Variants in RBFA observed in about 807,000 individuals in gnomAD.
The protein encoded by RBFA is ribosome binding factor A.
A neutral mutation model predicts 27.9 loss-of-function variants in RBFA; 16 were observed. That is an observed-to-expected ratio of 0.57 (90% CI 0.39 to 0.87). The LOEUF is 0.87. Ranked by LOEUF, RBFA falls within the 40% of genes least tolerant of loss-of-function variation. The probability of loss-of-function intolerance (pLI) is 0.00; values close to 1 mark genes in which losing one functional copy is unlikely to be tolerated. For missense variants in RBFA, 456 were observed against 432.1 expected (o/e 1.06, Z -0.49); for synonymous variants, 181 against 181.0 (o/e 1.00, Z 0.00).
At position 80,037,475 on chromosome 18, in the gene RBFA, A is replaced by T. The variant is rs2051987978; in HGVS notation, c.347A>T (p.Glu116Val). ...DLLCTPEVSQELYDLNVELSK... is the reference protein window; with the variant it reads ...DLLCTPEVSQVLYDLNVELSK... ...CTGTGTACCCCTGAAGTGAGTCAGG[A>T]GCTGTATGACCTTAACGTGGAGCTC... The change falls in exon 3 of 7, where the codon GAG becomes GTG. Residue 116 changes from glutamate (E) to valine (V), a missense_variant. Physicochemically the swap from Glu to Val is moderately radical, Grantham distance 121 (BLOSUM62 -2). Transcript: ENST00000306735. 6.2e-7 allele frequency: 1 copy of T among 1,613,850 alleles called. No individual in the cohort carries two copies. The highest frequency in any genetic ancestry group is 1.3e-5 in the African/African-American group (1 of 74,924).
At chr18:80,044,678 TAGG>T (rs2145149323) in intron 6 of RBFA, among the ~76,000 whole-genome samples, 1 of 152,272 alleles carries the variant, frequency 6.6e-6, no homozygotes, top group African/African-American at 2.4e-5. Context: ...AGATGGGTGT[TAGG>T]AGGGGAGTAG....
In RBFA at chr18:80,034,613, T is replaced by C; in HGVS notation, c.118T>C (p.Ser40Pro). ...GCGGGGACTTCACTGCTCTGCTGTC[T>C]CCTGCAAGAACTGGCTCAAGAAATT... ...CERGLHCSAV[S>P]CKNWLKKFAS... Residue 40 changes from serine to proline, a missense_variant, in exon 1 of 7, where the codon TCC becomes CCC. Physicochemically the swap from Ser to Pro is moderately conservative, Grantham distance 74. Transcript: ENST00000306735. 4 of 1,609,296 alleles carry C rather than the reference T, an allele frequency of 2.5e-6. No homozygotes were observed. Among genetic ancestry groups the C allele is most frequent in the Non-Finnish European group, 3.4e-6 (4 of 1,178,926 alleles).
At chr18:80,036,267 C>T (rs1465950454) in intron 1 of RBFA, among the ~76,000 whole-genome samples, 2 of 152,170 alleles carry the variant, frequency 1.3e-5, no homozygotes, top group African/African-American at 2.4e-5. Context: ...CAATGGTGAG[C>T]GTGGCTCCCA....
At chr18:80,034,718 G>C (rs2051963691) in intron 1 of RBFA, 65 bp downstream of exon 1, 1 of 1,579,480 alleles carries the variant, frequency 6.3e-7, no homozygotes, top group Non-Finnish European at 8.6e-7. Flanking sequence ...CCCGGGTTGC[G>C]GTGTCCGCTC....
intron 3 of RBFA, 90 bp from the exon 4 acceptor site, chr18:80,038,415 T>G: frequency 1.2e-6 from 1 of 856,870 alleles, no homozygotes; most frequent in Non-Finnish European, 1.9e-6. Context: ...GGGAGGGGCG[T>G]CTGCAGCTGT....
chr18:80,044,746 T>C (rs1251659988), intron 6 of RBFA, among the ~76,000 whole-genome samples: 2 of 152,216 alleles, frequency 1.3e-5, no homozygotes, highest in South Asian at 2.1e-4. Flanking sequence ...GGCCTGTGCA[T>C]GTACACACAC....
At chr18:80,042,828 G>T (rs1355348748) in intron 5 of RBFA, among the ~76,000 whole-genome samples, 1 of 151,894 alleles carries the variant, frequency 6.6e-6, no homozygotes, top group African/African-American at 2.4e-5. Context: ...TGAAAGAAAG[G>T]TGCAAATGAA....
chr18:80,036,209 T>C (rs573612412), intron 1 of RBFA, among the ~76,000 whole-genome samples: 2 of 152,342 alleles, frequency 1.3e-5, no homozygotes, highest in South Asian at 2.1e-4. Context: ...AGACGTACTG[T>C]GTGGATCATT....
rs370283155 is a variant in RBFA at position 80,037,495 on chromosome 18, G to C, written c.367G>C (p.Glu123Gln). The part of the protein sequence containing the change: ...VSQELYDLNV[E>Q]LSKVSLTPDF... ...TCAGGAGCTGTATGACCTTAACGTG[G>C]AGCTCTCCAAGGTAGGCTGTGTGGC... The change falls in exon 3 of 7, where the codon GAG becomes CAG. Residue 123 changes from glutamate to glutamine, a missense_variant. Transcript: ENST00000306735. 78 of 1,611,552 alleles carry C rather than the reference G, an allele frequency of 4.8e-5. No individual in the cohort carries two copies. Among genetic ancestry groups the C allele is most frequent in the Non-Finnish European group, 6.5e-5 (77 of 1,178,114 alleles).
chr18:80,034,678 T>C (rs1252848856), intron 1 of RBFA, 25 bp downstream of exon 1: 2 of 1,605,792 alleles, frequency 1.2e-6, no homozygotes, highest in East Asian at 4.6e-5. Context: ...GCGGTGTCCC[T>C]GGGCGCGGTA....
chr18:80,034,523 C>A lies in RBFA; in HGVS notation c.28C>A (p.Arg10Ser), dbSNP rs752729658. 7 of 1,585,790 alleles carry A rather than the reference C, an allele frequency of 4.4e-6. No homozygotes were observed. Residue 10 changes from arginine (R) to serine (S), a missense_variant, in exon 1 of 7, where the codon CGC (arginine) becomes AGC (serine). Coordinates refer to ENST00000306735, the MANE Select transcript of RBFA (RefSeq NM_024805.3). ...GTGGGCTGCGGCGGGCGGGCTGTGG[C>A]GCTCCCGCGCGGGTCTCCGGGCCCT... MWAAAGGLWRSRAGLRALFR... is the reference protein window; with the variant it reads MWAAAGGLWSSRAGLRALFR...
At chr18:80,044,368 C>A in intron 6 of RBFA, 83 bp downstream of exon 6, 2 of 1,205,448 alleles carry the variant, frequency 1.7e-6, no homozygotes, top group Non-Finnish European at 2.5e-6. Flanking sequence ...AGCTGCCCAG[C>A]GCCACATCCC....
rs1406346703 is a variant in RBFA, at chr18:80,037,378, A to G, written c.250A>G (p.Lys84Glu). Residue 84 changes from lysine (K) to glutamate (E), a missense_variant, in exon 3 of 7, where the codon AAA (lysine) becomes GAA (glutamate). Physicochemically the swap from Lys to Glu is moderately conservative, Grantham distance 56 (BLOSUM62 1). Transcript: ENST00000306735. ...ATTCCTCATGAGGAGCACCTCAAAG[A>G]AAACCAGGAAGGAAGACCATGCGCG... ...LEFLMRSTSK[K>E]TRKEDHARLR... is the part of the protein sequence containing the mutation. The G allele has an allele frequency of 7.4e-6, 12 of 1,614,120 alleles. No individual in the cohort carries two copies. The East Asian group carries it at 2.7e-4, about 36-fold the overall frequency.
rs1277423144 is a variant in RBFA, at chr18:80,034,669, C to CGGTGTCCCTGGGCGCGGTA, written c.158+17_158+35dup. On this transcript the variant is annotated intron_variant, in intron 1 of 6. Coordinates refer to ENST00000306735, the MANE Select transcript of RBFA (RefSeq NM_024805.3). ...CGAAAACCAAGTAATGCGGCGGGGG[C>CGGTGTCCCTGGGCGCGGTA]GGTGTCCCTGGGCGCGGTATTCCCT... 1 of 1,606,296 alleles carries CGGTGTCCCTGGGCGCGGTA rather than the reference C, an allele frequency of 6.2e-7. No individual in the cohort carries two copies. The highest frequency in any genetic ancestry group is 2.3e-5 in the East Asian group (1 of 43,872).
In RBFA at chr18:80,046,021, G is replaced by C. The variant is rs756924868; in HGVS notation, c.898G>C (p.Glu300Gln). Residue 300 changes from glutamate (E) to glutamine (Q), a missense_variant, in exon 7 of 7, where the codon GAG becomes CAG. Transcript: ENST00000306735. ...SSLKSYLSGE[E>Q]VEDDLDLVGA... ...CCTCAAGAGTTACCTGTCAGGCGAG[G>C]AGGTTGAAGATGACCTGGACCTGGT... 1 of 1,614,148 alleles carries C rather than the reference G, an allele frequency of 6.2e-7. No homozygotes were observed. The highest frequency in any genetic ancestry group is 8.5e-7 in the Non-Finnish European group (1 of 1,180,040).
At chr18:80,044,094 T>A in intron 5 of RBFA, 118 bp from the exon 6 acceptor site, 105 of 838,500 alleles carry the variant, frequency 1.3e-4, no homozygotes, top group Non-Finnish European at 2.1e-4. Flanking sequence ...GTGGAAGGAA[T>A]TGTGCAAAGT....
At chr18:80,044,416 G>A in intron 6 of RBFA, 131 bp downstream of exon 6, 1 of 814,624 alleles carries the variant, frequency 1.2e-6, no homozygotes. Context: ...TTGCCTCCAG[G>A]GCCGGCAATC....
intron 2 of RBFA, 107 bp from the exon 3 acceptor site, chr18:80,037,223 C>G: frequency 2.6e-6 from 2 of 773,608 alleles, no homozygotes; most frequent in Non-Finnish European, 4.3e-6. Flanking sequence ...GTGATAGCTG[C>G]TGTTGATCTG....
In RBFA at chr18:80,050,331, TAA is replaced by T. The variant is rs869215507; in HGVS notation, c.*4180_*4181del. Among the ~76,000 whole-genome samples, 1 of 152,200 alleles carries T rather than the reference TAA, an allele frequency of 6.6e-6. No homozygotes were observed. Among genetic ancestry groups the T allele is most frequent in the South Asian group, 2.1e-4 (1 of 4,832 alleles). Reference sequence around the variant, plus strand: ...CAGGTCATGATCAGTGTTTCCTGATTAAAAATTTTTTATTTTTATTTTTAATT... The same window carrying T: ...CAGGTCATGATCAGTGTTTCCTGATTAAATTTTTTATTTTTATTTTTAATT... On this transcript the variant is annotated 3_prime_UTR_variant, in exon 7 of 7. Transcript: ENST00000306735.
Sources: gnomAD v4.1 joint callset for allele counts (sites outside exome capture counted in the v4.1 genomes callset) on GRCh38, gnomAD v4.1.1 for gene constraint, MANE v1.5 for transcripts, NCBI Gene and HGNC (gene_info 2026-07-23, HGNC 2026-07-21) for gene names.